Variants in CEACAM21 observed in about 807,000 individuals in gnomAD.
The protein encoded by CEACAM21 is cell adhesion molecule CEACAM21.
A neutral mutation model predicts 33.2 loss-of-function variants in CEACAM21; 38 were observed. The ratio of observed to expected loss-of-function variants is 1.14; its 90% CI spans 0.88 to 1.50. The LOEUF (loss-of-function observed/expected upper bound fraction) is 1.50, where lower values mean the gene tolerates loss of function less well. Ranked by LOEUF, CEACAM21 falls within the 40% of genes most tolerant of loss-of-function variation. CEACAM21 has a pLI of 0.00. For synonymous variants in CEACAM21, 156 were observed against 143.0 expected (o/e 1.09, Z -0.65); for missense variants, 385 against 364.6 (o/e 1.06, Z -0.46).
At chr19:41,581,752 C>G (rs2043404241) in intron 3 of CEACAM21, among the ~76,000 whole-genome samples, 5 of 152,138 alleles carry the variant, frequency 3.3e-5, no homozygotes. Context: ...ATCATGAGAA[C>G]AGCATGGGAA....
At position 41,560,180 on chromosome 19, in the gene CEACAM21, A is replaced by C. The variant is rs58101348; in HGVS notation, c.-778-4502A>C. The stretch of plus-strand genomic sequence containing the variant: ...ACATACTCTCCCAGAAAATGGAAAA[A>C]AGGAAGCAGATGCTTAGCTCTTTTA... On this transcript the variant is annotated intron_variant, in intron 1 of 7. Transcript: ENST00000407170. Among the ~76,000 whole-genome samples, 4 of 152,292 alleles carry C rather than the reference A, an allele frequency of 2.6e-5. No individual in the cohort carries two copies. In the East Asian group the frequency reaches 7.7e-4, roughly 29 times the overall value.
intron 1 of CEACAM21, among the ~76,000 whole-genome samples, chr19:41,560,026 T>G (rs1555786445): frequency 6.6e-6 from 1 of 151,572 alleles, no homozygotes; most frequent in African/African-American, 2.4e-5. Flanking sequence ...ACAAAAAGCA[T>G]GAGTAGCCCT....
At chr19:41,558,649 A>C (rs1568580911) in intron 1 of CEACAM21, among the ~76,000 whole-genome samples, 1 of 152,174 alleles carries the variant, frequency 6.6e-6, no homozygotes, top group Non-Finnish European at 1.5e-5. Flanking sequence ...TCTGACTCAA[A>C]AACAACAACA....
At chr19:41,572,265 G>T (rs2042662013), upstream of CEACAM21, among the ~76,000 whole-genome samples, 1 of 152,078 alleles carries the variant, frequency 6.6e-6, no homozygotes, top group East Asian at 1.9e-4. Context: ...TGACAGGAGT[G>T]CCCTTCAGTC....
intron 1 of CEACAM21, among the ~76,000 whole-genome samples, chr19:41,559,613 T>C (rs1476209450): frequency 1.3e-5 from 2 of 152,022 alleles, no homozygotes; most frequent in Non-Finnish European, 1.5e-5. Flanking sequence ...AGTCAAAAGA[T>C]GTTCTTTAAA....
Position 41,576,280 on chromosome 19 carries a change from GC to G in CEACAM21, c.12del (p.Ser5GlnfsTer21), listed in dbSNP as rs35227422. On this transcript the variant is annotated frameshift_variant, in exon 1 of 7. Transcript: ENST00000401445. LOFTEE classifies it high-confidence loss of function. MG[P>X]PSACPHRECI... ...CAGAGCAGGCAGCAGAGACCATGGG[GC>G]CCCCCTCAGCTTGTCCCCACAGAGA... 2.5e-6 allele frequency: 4 copies of G among 1,613,572 alleles called. No homozygotes were observed. Among genetic ancestry groups the G allele is most frequent in the South Asian group, 2.2e-5 (2 of 91,066 alleles).
intron 1 of CEACAM21, among the ~76,000 whole-genome samples, chr19:41,560,190 A>T (rs1329873462): frequency 4.6e-5 from 7 of 152,136 alleles, no homozygotes; most frequent in African/African-American, 1.7e-4. Flanking sequence ...AAGGAAGCAG[A>T]TGCTTAGCTC....
chr19:41,558,475 AT>A (rs2041674725), intron 1 of CEACAM21, among the ~76,000 whole-genome samples: 1 of 152,048 alleles, frequency 6.6e-6, no homozygotes, highest in Non-Finnish European at 1.5e-5. Flanking sequence ...ACGAAACCCC[AT>A]CTCTACTAAA....
At chr19:41,562,832 C>T (rs991072190) in intron 1 of CEACAM21, among the ~76,000 whole-genome samples, 1 of 152,006 alleles carries the variant, frequency 6.6e-6, no homozygotes, top group East Asian at 1.9e-4. Flanking sequence ...GGGTTCACGC[C>T]GTTCTCCTGC....
At chr19:41,586,143 C>T (rs2070720958) in intron 6 of CEACAM21, 2 of 600,624 alleles carry the variant, frequency 3.3e-6, no homozygotes, top group South Asian at 1.9e-5. Flanking sequence ...ACCCCTCTCT[C>T]CCCTGCCCAG....
intron 1 of CEACAM21, among the ~76,000 whole-genome samples, chr19:41,556,520 A>G (rs1301090258): frequency 6.6e-6 from 1 of 152,252 alleles, no homozygotes; most frequent in Non-Finnish European, 1.5e-5. Context: ...AAAAAGAAAA[A>G]TAAAACCTTC....
chr19:41,586,321 G>A lies in CEACAM21; in HGVS notation c.*1-143G>A, dbSNP rs1159236327. ...TGAAAATAACAGGAGGTGGTGAGCA[G>A]AGGAGGGAGGGGCCTGGGAGCAGGA... On this transcript the variant is annotated intron_variant, in intron 6 of 6. Coordinates refer to ENST00000401445, the MANE Select transcript of CEACAM21 (RefSeq NM_001098506.4). 2.4e-5 allele frequency: 14 copies of A among 578,938 alleles called. No individual in the cohort carries two copies. The East Asian group carries it at 6.0e-4, about 25-fold the overall frequency. 35.9% of individuals were successfully genotyped at this position (578,938 alleles called of 1,614,324 possible). A position where few individuals can be genotyped will look rare whatever the true frequency, so the allele number is the denominator to read the frequency against.
chr19:41,574,166 C>T (rs1315175956), upstream of CEACAM21, among the ~76,000 whole-genome samples: 2 of 152,032 alleles, frequency 1.3e-5, no homozygotes, highest in South Asian at 2.1e-4. Context: ...GTAGTTAGAC[C>T]CCTACCTCAC....
At chr19:41,586,049 T>C in intron 6 of CEACAM21, 178 bp downstream of exon 6, 1 of 662,990 alleles carries the variant, frequency 1.5e-6, no homozygotes. Flanking sequence ...CCACTCCCTG[T>C]GCTAACCCCA....
intron 1 of CEACAM21, among the ~76,000 whole-genome samples, chr19:41,555,798 C>T (rs2041491027): frequency 6.6e-6 from 1 of 152,158 alleles, no homozygotes; most frequent in Non-Finnish European, 1.5e-5. Context: ...AAACTGTGTC[C>T]AAACTGCACC....
chr19:41,583,715 G>GA (rs1278174882), intron 3 of CEACAM21, among the ~76,000 whole-genome samples: 2 of 152,060 alleles, frequency 1.3e-5, no homozygotes, highest in East Asian at 1.9e-4. Flanking sequence ...GAACAGGATG[G>GA]AAAAAACCCA....
chr19:41,569,216 T>A (rs896705365), intron 2 of CEACAM21, among the ~76,000 whole-genome samples: 2 of 151,778 alleles, frequency 1.3e-5, no homozygotes, highest in Non-Finnish European at 1.5e-5. Flanking sequence ...TTTTTTTTTT[T>A]ACTTTTATTT....
chr19:41,557,667 T>C (rs1314960958), intron 1 of CEACAM21, among the ~76,000 whole-genome samples: 1 of 152,174 alleles, frequency 6.6e-6, no homozygotes, highest in African/African-American at 2.4e-5. Flanking sequence ...CTCTCTCAGG[T>C]CCCTGGACAT....
chr19:41,577,404 C>T lies in CEACAM21; in HGVS notation c.269C>T (p.Thr90Ile), dbSNP rs782399770. ...AAYVIDTHVR[T>I]PGPAYSGRET... ...TATGTAATAGACACTCACGTTAGGA[C>T]TCCAGGGCCTGCATACAGCGGTCGA... is the stretch of plus-strand genomic sequence containing the variant. The change falls in exon 2 of 7, where the codon ACT becomes ATT. Residue 90 changes from threonine (T) to isoleucine (I), a missense_variant. Physicochemically the swap from Thr to Ile is moderately conservative, Grantham distance 89. Coordinates refer to ENST00000401445, the MANE Select transcript of CEACAM21 (RefSeq NM_001098506.4). 1 of 1,614,146 alleles carries T rather than the reference C, an allele frequency of 6.2e-7. No individual in the cohort carries two copies. Among genetic ancestry groups the T allele is most frequent in the South Asian group, 1.1e-5 (1 of 91,082 alleles).
Sources: allele counts gnomAD v4.1 joint callset (sites outside exome capture counted in the v4.1 genomes callset), GRCh38; gene constraint gnomAD v4.1.1; transcripts MANE v1.5; gene names NCBI Gene and HGNC (gene_info 2026-07-23, HGNC 2026-07-21).